Variants in MYSM1 observed in about 807,000 individuals in gnomAD.
The protein encoded by MYSM1 is deubiquitinase MYSM1.
Under a neutral mutation model 116.0 loss-of-function variants are expected in MYSM1, and 51 were observed. The observed-to-expected ratio is 0.44, with a 90% CI of 0.35 to 0.56. The LOEUF (loss-of-function observed/expected upper bound fraction) is 0.56, where lower values mean the gene tolerates loss of function less well. Ranked by LOEUF, MYSM1 falls within the 20% of genes least tolerant of loss-of-function variation. The pLI is 0.00. For missense variants in MYSM1, 900 were observed against 974.9 expected (o/e 0.92, Z 1.02); for synonymous variants, 313 against 315.2 (o/e 0.99, Z 0.07).
intron 6 of MYSM1, among the ~76,000 whole-genome samples, chr1:58,688,230 CACAA>C (rs1644856732): frequency 1.3e-5 from 2 of 151,544 alleles, no homozygotes; most frequent in Admixed American, 1.3e-4. Flanking sequence ...AAAATACAAA[CACAA>C]ACATTTTATT....
intron 8 of MYSM1, among the ~76,000 whole-genome samples, chr1:58,681,504 T>C (rs1644740969): frequency 6.6e-6 from 1 of 152,234 alleles, no homozygotes; most frequent in Non-Finnish European, 1.5e-5. Flanking sequence ...GTGTTCTCTC[T>C]ATATCTTCCT....
At chr1:58,698,102 A>ATATATATATTTTTTTTTT in intron 1 of MYSM1, among the ~76,000 whole-genome samples, 116 of 7,754 alleles carry the variant, frequency 0.015, 12 homozygotes, top group African/African-American at 0.029. Context: ...ATATATATAT[A>ATATATATATTTTTTTTTT]TTTTTTTTTT....
At chr1:58,675,036 T>C (rs1223607109) in intron 10 of MYSM1, among the ~76,000 whole-genome samples, 1 of 151,742 alleles carries the variant, frequency 6.6e-6, no homozygotes, top group East Asian at 1.9e-4. Context: ...TTTTAAAGTA[T>C]GATTTACGAA....
intron 6 of MYSM1, among the ~76,000 whole-genome samples, chr1:58,688,669 C>G (rs2100668327): frequency 6.8e-6 from 1 of 146,174 alleles, no homozygotes; most frequent in South Asian, 2.2e-4. Context: ...CCAACAGTTT[C>G]AAATATACAA....
rs1411183384 is a variant in MYSM1, at chr1:58,671,954, A to G, written c.1577T>C (p.Leu526Pro). ...TCTTTTTGCCAACTCCTCAGCAGAG[A>G]GATGCTAAAACAAAATGCCAATTGA... ...KDLEGQTFEH[L>P]SAEELAKRRE... The change falls in exon 12 of 20, where the codon CTC (leucine) becomes CCC (proline). Residue 526 changes from leucine (L) to proline (P), a missense_variant. Physicochemically the swap from Leu to Pro is moderately conservative, Grantham distance 98. Around this residue, in one of 3 missense-constraint regions of MYSM1, gnomAD observed 622 missense variants for 623.7 expected, o/e 1.00. Transcript: ENST00000472487. 1.2e-6 allele frequency: 2 copies of G among 1,612,566 alleles called. No individual in the cohort carries two copies. The highest frequency in any genetic ancestry group is 1.7e-6 in the Non-Finnish European group (2 of 1,179,414).
At chr1:58,671,448 G>A (rs12076717) in intron 12 of MYSM1, among the ~76,000 whole-genome samples, 85,909 of 151,364 alleles carry the variant, frequency 0.57, 24,628 homozygotes, top group East Asian at 0.64. Flanking sequence ...ATAGAAAATC[G>A]GAACATTTAA....
chr1:58,675,704 T>A, intron 9 of MYSM1, 124 bp from the exon 10 acceptor site: 2 of 664,080 alleles, frequency 3.0e-6, no homozygotes, highest in Non-Finnish European at 5.3e-6. Context: ...ATCATACATT[T>A]GATGTGCTAC....
At chr1:58,694,352 G>A (rs1644943261) in intron 2 of MYSM1, among the ~76,000 whole-genome samples, 1 of 152,204 alleles carries the variant, frequency 6.6e-6, no homozygotes, top group Non-Finnish European at 1.5e-5. Context: ...GCCGGGCGCG[G>A]TGGCTCACGC....
chr1:58,663,619 T>C (rs1644426297), intron 17 of MYSM1, among the ~76,000 whole-genome samples: 1 of 152,242 alleles, frequency 6.6e-6, no homozygotes, highest in Non-Finnish European at 1.5e-5. Flanking sequence ...TGGTAGCTCA[T>C]GGGAGCATCA....
chr1:58,697,736 G>C (rs6656370), intron 1 of MYSM1, among the ~76,000 whole-genome samples: 60,749 of 151,026 alleles, frequency 0.4, 12,322 homozygotes, highest in Middle Eastern at 0.57. Flanking sequence ...ATTACAGGCA[G>C]GTGCCACCAT....
chr1:58,687,521 C>T (rs981255603), intron 6 of MYSM1, among the ~76,000 whole-genome samples: 2 of 152,188 alleles, frequency 1.3e-5, no homozygotes, highest in African/African-American at 4.8e-5. Flanking sequence ...TATGTTAGTA[C>T]AAACTGCACC....
At chr1:58,676,779 T>C in intron 9 of MYSM1, 147 bp downstream of exon 9, 1 of 752,080 alleles carries the variant, frequency 1.3e-6, no homozygotes. Flanking sequence ...CAGTAAAATC[T>C]TAATAAAACA....
chr1:58,695,425 A>C (rs1303109669), intron 1 of MYSM1, among the ~76,000 whole-genome samples: 1 of 152,178 alleles, frequency 6.6e-6, no homozygotes, highest in African/African-American at 2.4e-5. Flanking sequence ...TCAATTGTGA[A>C]ACATCAAGTC....
At chr1:58,662,624 G>A (rs1644411307) in intron 17 of MYSM1, among the ~76,000 whole-genome samples, 1 of 149,410 alleles carries the variant, frequency 6.7e-6, no homozygotes, top group Non-Finnish European at 1.5e-5. Flanking sequence ...ACCATGGTAA[G>A]GAATAAATAA....
intron 12 of MYSM1, among the ~76,000 whole-genome samples, chr1:58,671,434 G>C (rs1470675405): frequency 6.6e-6 from 1 of 152,092 alleles, no homozygotes; most frequent in Non-Finnish European, 1.5e-5. Flanking sequence ...TGCAGGAAGA[G>C]GGAATAGAAA....
intron 6 of MYSM1, among the ~76,000 whole-genome samples, chr1:58,687,312 A>AAC (rs780024111): frequency 6.6e-6 from 1 of 152,220 alleles, no homozygotes; most frequent in Non-Finnish European, 1.5e-5. Context: ...TCTGGAAGAA[A>AAC]ACACAAAGAA....
At chr1:58,688,872 T>G (rs1644865216) in intron 6 of MYSM1, among the ~76,000 whole-genome samples, 166 bp downstream of exon 6, 1 of 152,198 alleles carries the variant, frequency 6.6e-6, no homozygotes, top group African/African-American at 2.4e-5. Context: ...GGAATTCTCT[T>G]GCACTACACT....
intron 12 of MYSM1, 59 bp downstream of exon 12, chr1:58,671,811 A>T: frequency 6.5e-6 from 8 of 1,234,728 alleles, no homozygotes; most frequent in Admixed American, 2.2e-5. Context: ...ATATTTTTTC[A>T]TATATTATCT....
chr1:58,660,397 G>A (rs190924978), intron 19 of MYSM1, among the ~76,000 whole-genome samples: 2 of 152,208 alleles, frequency 1.3e-5, no homozygotes, highest in East Asian at 3.9e-4. Context: ...ACAAACCTGA[G>A]ATTGTTTATG....
Sources: allele counts gnomAD v4.1 joint callset (sites outside exome capture counted in the v4.1 genomes callset), GRCh38; gene constraint gnomAD v4.1.1; regional missense constraint gnomAD v4.1.1; transcripts MANE v1.5; gene names NCBI Gene and HGNC (gene_info 2026-07-23, HGNC 2026-07-21).